Variants in SLC36A4 observed in about 807,000 individuals in gnomAD.
SLC36A4 encodes the protein solute carrier family 36 member 4, also known as neutral amino acid uniporter 4.
Under a neutral mutation model 50.5 loss-of-function variants are expected in SLC36A4, and 49 were observed. That is an observed-to-expected ratio of 0.97 (90% CI 0.77 to 1.23). The LOEUF (loss-of-function observed/expected upper bound fraction) is 1.23. Among genes scored for constraint, SLC36A4 ranks in the 50% most tolerant of loss-of-function variants. The probability of loss-of-function intolerance (pLI) is 0.00; values close to 1 mark genes in which losing one functional copy is unlikely to be tolerated. For synonymous variants in SLC36A4, 207 were observed against 206.5 expected (o/e 1.00, Z -0.02); for missense variants, 611 against 608.4 (o/e 1.00, Z -0.05).
intron 9 of SLC36A4, among the ~76,000 whole-genome samples, chr11:93,161,570 A>C (rs1335210840): frequency 6.6e-6 from 1 of 152,212 alleles, no homozygotes; most frequent in African/African-American, 2.4e-5. Context: ...TTTGACTCCA[A>C]TAAATGCCCA....
intron 6 of SLC36A4, among the ~76,000 whole-genome samples, chr11:93,169,867 A>C (rs867377192): frequency 2.6e-5 from 4 of 152,114 alleles, no homozygotes; most frequent in Admixed American, 1.3e-4. Flanking sequence ...ACTTCTTATG[A>C]AAGCAGTATC....
intron 3 of SLC36A4, among the ~76,000 whole-genome samples, chr11:93,183,378 A>G (rs1861823167): frequency 6.6e-6 from 1 of 152,332 alleles, no homozygotes; most frequent in Non-Finnish European, 1.5e-5. Context: ...TAAATAAAAT[A>G]CTTTAAATAT....
chr11:93,187,300 G>A (rs1479146043), intron 1 of SLC36A4, among the ~76,000 whole-genome samples: 1 of 152,082 alleles, frequency 6.6e-6, no homozygotes, highest in Admixed American at 6.6e-5. Flanking sequence ...ATGTCTTGGG[G>A]TTGACCATGC....
At chr11:93,176,955 C>T (rs117369334) in intron 6 of SLC36A4, among the ~76,000 whole-genome samples, 7,409 of 152,068 alleles carry the variant, frequency 0.049, 208 homozygotes, top group South Asian at 0.099. Context: ...CGAGGTGTTA[C>T]CTTTGTGGCG....
intron 9 of SLC36A4, among the ~76,000 whole-genome samples, chr11:93,162,310 A>AC (rs1555010492): frequency 1.3e-5 from 2 of 149,654 alleles, no homozygotes; most frequent in Non-Finnish European, 3.0e-5. Flanking sequence ...AATCACAGTA[A>AC]TTTTTTTTTT....
At chr11:93,185,632 A>G in intron 2 of SLC36A4, 59 bp downstream of exon 2, 1 of 1,446,906 alleles carries the variant, frequency 6.9e-7, no homozygotes, top group African/African-American at 1.4e-5. Flanking sequence ...CTGTAGAAGA[A>G]GATTACAAAA....
intron 6 of SLC36A4, among the ~76,000 whole-genome samples, chr11:93,173,767 C>T (rs1454415197): frequency 1.9e-3 from 173 of 91,648 alleles, no homozygotes; most frequent in African/African-American, 6.6e-3. Flanking sequence ...AGGTATGCGG[C>T]ATTATTTCTG....
Position 93,185,762 on chromosome 11 carries a change from TG to T in SLC36A4, c.107del (p.Ser36Ter). 6.2e-7 allele frequency: 1 copy of T among 1,608,998 alleles called. No homozygotes were observed. Among genetic ancestry groups the T allele is most frequent in the East Asian group, 2.2e-5 (1 of 44,714 alleles). Reference protein sequence around the residue: ...LINEQNFDGTSDEEHEQELLP... With the variant: ...LINEQNFDGTXDEEHEQELLP... ...GAAGCTCTTGCTCATGTTCTTCATCTGATGTCCCATCAAAATTCTGCTCATT... is the reference window on the plus strand; with the variant it reads ...GAAGCTCTTGCTCATGTTCTTCATCTATGTCCCATCAAAATTCTGCTCATT... On this transcript the variant is annotated frameshift_variant, in exon 2 of 11. Transcript: ENST00000326402. LOFTEE classifies it high-confidence loss of function.
At chr11:93,161,176 T>C (rs2134645627) in intron 9 of SLC36A4, among the ~76,000 whole-genome samples, 1 of 152,306 alleles carries the variant, frequency 6.6e-6, no homozygotes, top group South Asian at 2.1e-4. Flanking sequence ...AATATCATTC[T>C]ATTTTCCAAA....
chr11:93,162,402 G>A (rs968387506), intron 9 of SLC36A4, among the ~76,000 whole-genome samples: 4 of 151,880 alleles, frequency 2.6e-5, no homozygotes, highest in South Asian at 2.1e-4. Flanking sequence ...TCCGCCTCCC[G>A]GGTTCAAGCG....
Position 93,148,854 on chromosome 11 carries a change from G to A in SLC36A4, c.1208-10C>T, listed in dbSNP as rs778600002. ...AGAATTGCTCCGGCACCTAGAAAATGAAAATACATTTATTTTTCTTATTTA... is the reference window on the plus strand; with the variant it reads ...AGAATTGCTCCGGCACCTAGAAAATAAAAATACATTTATTTTTCTTATTTA... On this transcript the variant is annotated splice_polypyrimidine_tract_variant and intron_variant, in intron 10 of 10. Coordinates refer to ENST00000326402, the MANE Select transcript of SLC36A4 (RefSeq NM_152313.4). 4.4e-6 allele frequency: 7 copies of A among 1,590,488 alleles called. 1 individual carries two copies. The Admixed American group carries it at 7.6e-5, about 17-fold the overall frequency.
chr11:93,177,763 T>G (rs1861550494), intron 6 of SLC36A4, among the ~76,000 whole-genome samples: 2 of 152,156 alleles, frequency 1.3e-5, no homozygotes, highest in African/African-American at 4.8e-5. Flanking sequence ...CCCGGCTGTA[T>G]GAGATATCAG....
At chr11:93,177,683 G>T (rs1257977426) in intron 6 of SLC36A4, among the ~76,000 whole-genome samples, 1 of 152,182 alleles carries the variant, frequency 6.6e-6, no homozygotes, top group Non-Finnish European at 1.5e-5. Context: ...GGCTGCAGAA[G>T]AGCTAATATT....
chr11:93,193,624 A>G (rs538129783), intron 1 of SLC36A4, among the ~76,000 whole-genome samples: 2 of 152,258 alleles, frequency 1.3e-5, no homozygotes, highest in East Asian at 3.9e-4. Context: ...AGTACACCAT[A>G]GGGATACATT....
At chr11:93,179,812 A>G (rs1348804527) in intron 6 of SLC36A4, among the ~76,000 whole-genome samples, 2 of 152,212 alleles carry the variant, frequency 1.3e-5, no homozygotes, top group African/African-American at 4.8e-5. Context: ...ATACAGCCAT[A>G]TCTATTTGTT....
Position 93,147,690 on chromosome 11 carries a change from T to C in SLC36A4, c.*847A>G, listed in dbSNP as rs1217900223. 6.6e-6 allele frequency: 1 copy of C among 152,118 alleles called. No homozygotes were observed. Among genetic ancestry groups the C allele is most frequent in the East Asian group, 1.9e-4 (1 of 5,174 alleles). The allele number at this position is 152,118 out of a possible 1,614,324, so 9.4% of individuals were successfully genotyped here. On this transcript the variant is annotated 3_prime_UTR_variant, in exon 11 of 11. Transcript: ENST00000326402. ...AATAGATTCAACACTAAAATTAAGCTGAACATAATTTATTCTTTTTCTTGG... is the reference window on the plus strand; with the variant it reads ...AATAGATTCAACACTAAAATTAAGCCGAACATAATTTATTCTTTTTCTTGG...
chr11:93,179,064 T>C (rs1404238601), intron 6 of SLC36A4, among the ~76,000 whole-genome samples: 2 of 152,104 alleles, frequency 1.3e-5, no homozygotes, highest in East Asian at 3.9e-4. Flanking sequence ...AAATGGGTGT[T>C]TGCACAGGAT....
rs1176789493 is a variant in SLC36A4 at position 93,182,833 on chromosome 11, A to T, written c.332T>A (p.Val111Glu). Residue 111 changes from valine (V) to glutamate (E), a missense_variant, in exon 4 of 11, where the codon GTA (valine) becomes GAA (glutamate). Transcript: ENST00000326402. ...IISVHCMHILVRCSHFLCLRF... is the reference protein window; with the variant it reads ...IISVHCMHILERCSHFLCLRF... ...CAGACATAGAAAGTGACTGCAACGT[A>T]CCAATATGTGCATACAGTGAACAGA... 2 of 1,612,690 alleles carry T rather than the reference A, an allele frequency of 1.2e-6. No homozygotes were observed. Among genetic ancestry groups the T allele is most frequent in the Non-Finnish European group, 1.7e-6 (2 of 1,179,316 alleles).
In SLC36A4 at chr11:93,197,555, C is replaced by T. The variant is rs1050365319; in HGVS notation, c.55+223G>A. On this transcript the variant is annotated intron_variant, in intron 1 of 10. Coordinates refer to ENST00000326402, the MANE Select transcript of SLC36A4 (RefSeq NM_152313.4). ...TCACCCACACGCGCGCGCGCAAACA[C>T]ACACACACATATTTTAACGCCCTAT... The T allele has an allele frequency of 1.7e-4, 98 of 567,068 alleles. No homozygotes were observed. The African/African-American group carries it at 1.8e-3, about 10-fold the overall frequency. 35.1% of individuals were successfully genotyped at this position (567,068 alleles called of 1,614,324 possible).
Sources: allele counts gnomAD v4.1 joint callset (sites outside exome capture counted in the v4.1 genomes callset), GRCh38; gene constraint gnomAD v4.1.1; transcripts MANE v1.5; gene names NCBI Gene and HGNC (gene_info 2026-07-23, HGNC 2026-07-21).